The following CCSER1 variants were observed in gnomAD, a reference collection of about 807,000 sequenced individuals.
CCSER1 encodes coiled-coil serine rich protein 1, also known as serine-rich coiled-coil domain-containing protein 1.
CCSER1 carries 41 observed loss-of-function variants against 82.0 expected under a neutral mutation model. That is an observed-to-expected ratio of 0.50 (90% CI 0.39 to 0.65). CCSER1 has a LOEUF of 0.65. CCSER1 is among the 30% of genes least tolerant of loss of function. The pLI, the probability that CCSER1 is intolerant of heterozygous loss-of-function variation, is 0.00. For synonymous variants in CCSER1, 414 were observed against 383.9 expected (o/e 1.08, Z -0.92); for missense variants, 1,119 against 1,064.2 (o/e 1.05, Z -0.72).
At chr4:90,692,079 C>G (rs1480935072) in intron 6 of CCSER1, among the ~76,000 whole-genome samples, 1 of 137,298 alleles carries the variant, frequency 7.3e-6, no homozygotes, top group African/African-American at 2.7e-5. Context: ...ATGATAAATA[C>G]CAGACACATT....
chr4:91,508,794 T>C (rs1013371164), intron 10 of CCSER1, among the ~76,000 whole-genome samples: 2 of 151,878 alleles, frequency 1.3e-5, no homozygotes, highest in Non-Finnish European at 2.9e-5. Context: ...CTGTACAGAT[T>C]TTCTTGTTCT....
intron 7 of CCSER1, among the ~76,000 whole-genome samples, chr4:90,765,659 A>G (rs940891799): frequency 6.6e-6 from 1 of 152,132 alleles, no homozygotes; most frequent in Non-Finnish European, 1.5e-5. Context: ...AAAGTCAATT[A>G]AGCTATGGTT....
intron 9 of CCSER1, among the ~76,000 whole-genome samples, chr4:91,007,953 G>A (rs1307057882): frequency 1.3e-5 from 2 of 151,784 alleles, no homozygotes; most frequent in African/African-American, 4.8e-5. Flanking sequence ...ATTTTAATTT[G>A]TCTCTAAAAT....
At chr4:90,248,041 G>A (rs1721753887) in intron 1 of CCSER1, among the ~76,000 whole-genome samples, 1 of 151,852 alleles carries the variant, frequency 6.6e-6, no homozygotes. Context: ...ATAAAATACT[G>A]GCAGGAGTTG....
chr4:91,490,927 T>TAA lies in CCSER1; in HGVS notation c.2218-107642_2218-107641dup, dbSNP rs3044011. Among the ~76,000 whole-genome samples the TAA allele has an allele frequency of 2.0e-3, 169 of 82,912 alleles. 2 individuals carry two copies. Among genetic ancestry groups the TAA allele is most frequent in the Middle Eastern group, 6.2e-3 (1 of 162 alleles). The allele number at this position is 82,912 out of a possible 152,430, so 54.4% of individuals were successfully genotyped here. A position where few individuals can be genotyped will look rare whatever the true frequency, so the allele number is the denominator to read the frequency against. ...ATATATATATATATATATATATATATAAAATATGCGTCTACTATGTACCCA... is the reference window on the plus strand; with the variant it reads ...ATATATATATATATATATATATATATAAAAAATATGCGTCTACTATGTACCCA... On this transcript the variant is annotated intron_variant, in intron 10 of 10. Coordinates refer to ENST00000509176, the MANE Select transcript of CCSER1 (RefSeq NM_001145065.2).
intron 6 of CCSER1, among the ~76,000 whole-genome samples, chr4:90,708,722 G>A (rs189551181): frequency 4.6e-5 from 7 of 152,086 alleles, no homozygotes; most frequent in African/African-American, 1.7e-4. Context: ...GGTTCTTGTG[G>A]GCTGATTTAT....
At chr4:91,461,589 C>T (rs1181514718) in intron 10 of CCSER1, among the ~76,000 whole-genome samples, 4 of 152,128 alleles carry the variant, frequency 2.6e-5, no homozygotes, top group Admixed American at 1.3e-4. Context: ...CACCAGCCCT[C>T]ATTTGGATTA....
rs1212466167 is a variant in CCSER1, at chr4:90,224,935, T to C, written c.-41-83309T>C. Among the ~76,000 whole-genome samples the C allele has an allele frequency of 2.6e-5, 4 of 152,310 alleles. No individual in the cohort carries two copies. The East Asian group carries it at 7.7e-4, about 29-fold the overall frequency. The stretch of plus-strand genomic sequence containing the variant: ...TGTACTCTAGCAGCTCTCAGTGGTT[T>C]AGTGTGCAGGCCCTTATCCCTCTCA... On this transcript the variant is annotated intron_variant, in intron 1 of 10. Transcript: ENST00000509176.
intron 10 of CCSER1, among the ~76,000 whole-genome samples, chr4:91,134,651 CAAG>C (rs1728296450): frequency 6.6e-6 from 1 of 151,992 alleles, no homozygotes; most frequent in African/African-American, 2.4e-5. Context: ...AATGTAGAAA[CAAG>C]AAAATCACCA....
intron 1 of CCSER1, among the ~76,000 whole-genome samples, chr4:90,294,376 A>G (rs1293134051): frequency 1.3e-5 from 2 of 151,958 alleles, no homozygotes; most frequent in Non-Finnish European, 2.9e-5. Context: ...CAAAGTCTTT[A>G]TATTATTTTA....
At chr4:90,771,281 A>G (rs1460143903) in intron 7 of CCSER1, among the ~76,000 whole-genome samples, 1 of 152,018 alleles carries the variant, frequency 6.6e-6, no homozygotes, top group Non-Finnish European at 1.5e-5. Context: ...TACTTTGCTT[A>G]TAAAATATAT....
At chr4:90,589,201 G>C (rs1782399899) in intron 5 of CCSER1, among the ~76,000 whole-genome samples, 3 of 152,142 alleles carry the variant, frequency 2.0e-5, no homozygotes, top group Admixed American at 1.3e-4. Flanking sequence ...TAAAATTAGA[G>C]AGGGTGTCTG....
At chr4:90,956,731 A>AACTCCATC (rs1371828666) in intron 9 of CCSER1, among the ~76,000 whole-genome samples, 64 of 151,832 alleles carry the variant, frequency 4.2e-4, no homozygotes, top group South Asian at 2.1e-4. Flanking sequence ...ATGAAGGCAG[A>AACTCCATC]ACTCCATCTG....
At chr4:91,418,148 C>CAACTT (rs374110294) in intron 10 of CCSER1, among the ~76,000 whole-genome samples, 1 of 151,660 alleles carries the variant, frequency 6.6e-6, no homozygotes, top group South Asian at 2.1e-4. Flanking sequence ...ACTGGATAAA[C>CAACTT]AACTTAAATT....
chr4:90,273,370 T>C (rs930403865), intron 1 of CCSER1, among the ~76,000 whole-genome samples: 7 of 152,164 alleles, frequency 4.6e-5, no homozygotes, highest in Non-Finnish European at 8.8e-5. Context: ...AGAATATAAT[T>C]GTTTGTAACA....
At chr4:90,412,414 A>G (rs1755011737) in intron 4 of CCSER1, among the ~76,000 whole-genome samples, 2 of 151,844 alleles carry the variant, frequency 1.3e-5, no homozygotes, top group African/African-American at 4.8e-5. Flanking sequence ...AGGTATACAT[A>G]TGTAACAAAC....
intron 10 of CCSER1, among the ~76,000 whole-genome samples, chr4:91,305,732 G>T (rs1247865322): frequency 6.6e-6 from 1 of 151,280 alleles, no homozygotes; most frequent in Non-Finnish European, 1.5e-5. Context: ...CCAAGAGTGG[G>T]TAATTTATAA....
chr4:90,263,576 A>T (rs79221626), intron 1 of CCSER1, among the ~76,000 whole-genome samples: 3,887 of 152,100 alleles, frequency 0.026, 81 homozygotes, highest in Middle Eastern at 0.048. Context: ...TCACACAGCC[A>T]TTTTCTTTTT....
intron 10 of CCSER1, among the ~76,000 whole-genome samples, chr4:91,380,537 A>G (rs939175138): frequency 2.0e-5 from 3 of 151,212 alleles, no homozygotes; most frequent in African/African-American, 7.4e-5. Flanking sequence ...TTGATGGTTT[A>G]AAGTCTGTTT....
Sources: gnomAD v4.1 joint callset for allele counts (sites outside exome capture counted in the v4.1 genomes callset) on GRCh38, gnomAD v4.1.1 for gene constraint, MANE v1.5 for transcripts, NCBI Gene and HGNC (gene_info 2026-07-23, HGNC 2026-07-21) for gene names.